PEX1: variants seen among roughly 807,000 people sequenced by gnomAD.
PEX1 encodes peroxisomal ATPase PEX1.
Under a neutral mutation model 152.5 loss-of-function variants are expected in PEX1, and 97 were observed. That is an observed-to-expected ratio of 0.64 (90% confidence interval 0.54 to 0.75). PEX1 has a LOEUF of 0.75. Ranked by LOEUF, PEX1 falls within the 30% of genes least tolerant of loss-of-function variation. The pLI is 0.00. For missense variants in PEX1, 1,357 were observed against 1,516.3 expected, an observed-to-expected ratio of 0.89 and a Z score of 1.74; for synonymous variants, 485 against 531.6, an observed-to-expected ratio of 0.91 and a Z score of 1.21.
chr7:92,499,847 C>CAAA lies in PEX1; in HGVS notation c.2584-12_2584-10dup. The CAAA allele has an allele frequency of 3.8e-6, 5 of 1,324,654 alleles. No homozygotes were observed. Among genetic ancestry groups the CAAA allele is most frequent in the African/African-American group, 1.5e-5 (1 of 67,872 alleles). 82.1% of individuals were successfully genotyped at this position (1,324,654 alleles called of 1,614,324 possible). A position where few individuals can be genotyped will look rare whatever the true frequency, so the allele number is the denominator to read the frequency against. On this transcript the variant is annotated splice_polypyrimidine_tract_variant and intron_variant, in intron 15 of 23. Coordinates refer to ENST00000248633, the MANE Select transcript of PEX1 (RefSeq NM_000466.3). ...GCAAATAATTCTGGATACTGAGAAA[C>CAAA]AAAAAAAAAAAATATGAAAAAGAGC...
chr7:92,508,232 A>G (rs1792292405), intron 9 of PEX1, among the ~76,000 whole-genome samples: 2 of 152,222 alleles, frequency 1.3e-5, no homozygotes, highest in Non-Finnish European at 2.9e-5. Flanking sequence ...CTGCCACTTT[A>G]CATGATCACA....
At chr7:92,502,200 C>T in intron 13 of PEX1, 121 bp from the exon 14 acceptor site, 1 of 705,714 alleles carries the variant, frequency 1.4e-6, no homozygotes, top group East Asian at 2.6e-5. Flanking sequence ...TGGTAGTTGT[C>T]TGGGGATGGA....
At chr7:92,499,970 A>G in intron 15 of PEX1, 132 bp from the exon 16 acceptor site, 1 of 686,514 alleles carries the variant, frequency 1.5e-6, no homozygotes, top group Non-Finnish European at 2.5e-6. Flanking sequence ...AGTAACAGCA[A>G]GTACAACAGT....
intron 6 of PEX1, 87 bp downstream of exon 6, chr7:92,513,761 C>T (rs184935977): frequency 4.1e-6 from 4 of 976,974 alleles, no homozygotes; most frequent in Non-Finnish European, 3.2e-6. Flanking sequence ...AAAAGGAATA[C>T]AACATTCTTA....
chr7:92,514,049 T>C (rs73230483), intron 5 of PEX1, 82 bp from the exon 6 acceptor site: 8 of 888,856 alleles, frequency 9.0e-6, no homozygotes, highest in Non-Finnish European at 1.4e-5. Flanking sequence ...ATTGATATAT[T>C]AGCTTCTATG....
rs563019269 is a variant in PEX1 at position 92,489,927 on chromosome 7, T to C, written c.3439-16A>G. On this transcript the variant is annotated splice_polypyrimidine_tract_variant and intron_variant, in intron 21 of 23. Coordinates refer to ENST00000248633, the MANE Select transcript of PEX1 (RefSeq NM_000466.3). Reference sequence around the variant, plus strand: ...ATTGTGAGCTCTGCATGGTAAATTGTAGTAATGAAAGATGGAAGGAAGAGG... The same window carrying C: ...ATTGTGAGCTCTGCATGGTAAATTGCAGTAATGAAAGATGGAAGGAAGAGG... 267 of 1,595,468 alleles carry C rather than the reference T, an allele frequency of 1.7e-4. 1 individual carries two copies. Among genetic ancestry groups the C allele is most frequent in the Admixed American group, 7.0e-4 (42 of 59,824 alleles).
intron 5 of PEX1, among the ~76,000 whole-genome samples, chr7:92,514,994 A>C (rs1006335319): frequency 2.0e-5 from 3 of 150,384 alleles, no homozygotes; most frequent in Admixed American, 6.7e-5. Flanking sequence ...GCTTGCATTG[A>C]GTGGAGATCG....
intron 10 of PEX1, 29 bp downstream of exon 10, chr7:92,506,965 A>G (rs1441490819): frequency 1.2e-6 from 2 of 1,611,286 alleles, no homozygotes; most frequent in Admixed American, 3.3e-5. Flanking sequence ...TAAATGTTAC[A>G]GAAAAATGAA....
intron 3 of PEX1, among the ~76,000 whole-genome samples, 162 bp from the exon 4 acceptor site, chr7:92,518,417 C>T (rs1792905427): frequency 6.6e-6 from 1 of 152,122 alleles, no homozygotes; most frequent in Admixed American, 6.5e-5. Flanking sequence ...ATAATGGTTA[C>T]TATAGTGAAG....
In PEX1 at chr7:92,509,396, T is replaced by A; in HGVS notation, c.1603A>T (p.Met535Leu). The A allele has an allele frequency of 6.2e-7, 1 of 1,611,000 alleles. No individual in the cohort carries two copies. Among genetic ancestry groups the A allele is most frequent in the South Asian group, 1.1e-5 (1 of 91,024 alleles). ...TCCTCACTGTTTTCTTCTTTTACCA[T>A]AGGATCTAGAAGGACCTACAGTTGC... ...KTTIQVLLDP[M>L]VKEENSEEID... is the part of the protein sequence containing the mutation. The change falls in exon 9 of 24, where the codon ATG (methionine) becomes TTG (leucine). Residue 535 changes from methionine to leucine, a missense_variant. By Grantham distance (15) the Met-to-Leu change is conservative (BLOSUM62 2). Transcript: ENST00000248633.
chr7:92,507,140 A>G lies in PEX1; in HGVS notation c.1671-14T>C. On this transcript the variant is annotated splice_polypyrimidine_tract_variant and intron_variant, in intron 9 of 23. Transcript: ENST00000248633. ...GAATTCACTCCTCTGTAAAAAATAT[A>G]CATAGTTACATGATAAAAGACTGAA... 6.2e-7 allele frequency: 1 copy of G among 1,611,364 alleles called. No individual in the cohort carries two copies. Among genetic ancestry groups the G allele is most frequent in the Non-Finnish European group, 8.5e-7 (1 of 1,177,622 alleles).
intron 1 of PEX1, among the ~76,000 whole-genome samples, chr7:92,527,880 C>T (rs1390165722): frequency 6.6e-6 from 1 of 152,256 alleles, no homozygotes; most frequent in Non-Finnish European, 1.5e-5. Flanking sequence ...GTGCTTAGTC[C>T]CCGGGAACCG....
intron 11 of PEX1, 95 bp from the exon 12 acceptor site, chr7:92,504,997 A>C: frequency 1.1e-6 from 1 of 875,108 alleles, no homozygotes; most frequent in Non-Finnish European, 1.9e-6. Context: ...CTCGATATTG[A>C]TTTAACTATA....
intron 20 of PEX1, 23 bp downstream of exon 20, chr7:92,492,930 A>T (rs886099008): frequency 1.3e-6 from 2 of 1,588,548 alleles, no homozygotes; most frequent in African/African-American, 2.7e-5. Flanking sequence ...AAAATGTCAT[A>T]ACAACTTCCT....
rs767127036 is a variant in PEX1, at chr7:92,502,086, A to C, written c.2227-7T>G. The C allele has an allele frequency of 6.4e-7, 1 of 1,564,880 alleles. No homozygotes were observed. The highest frequency in any genetic ancestry group is 8.8e-7 in the Non-Finnish European group (1 of 1,140,292). ...GAATTTCACATCTTTGTTCCTAAAG[A>C]AAAAAACACAAAATTCGAATTTCCA... On this transcript the variant is annotated splice_region_variant and splice_polypyrimidine_tract_variant and intron_variant, in intron 13 of 23. Transcript: ENST00000248633.
intron 5 of PEX1, 136 bp from the exon 6 acceptor site, chr7:92,514,103 G>A (rs1792610442): frequency 1.6e-6 from 1 of 609,700 alleles, no homozygotes; most frequent in Admixed American, 3.0e-5. Context: ...ACTCATAGTT[G>A]TCTCAGTCCA....
Position 92,492,950 on chromosome 7 carries a change from T to C in PEX1, c.3207+3A>G. 6.2e-7 allele frequency: 1 copy of C among 1,610,770 alleles called. No individual in the cohort carries two copies. The highest frequency in any genetic ancestry group is 8.5e-7 in the Non-Finnish European group (1 of 1,176,998). The stretch of plus-strand genomic sequence containing the variant: ...GTCATAACAACTTCCTCATATAACT[T>C]GCCTGGAGTCCACTCGAGAGCAGCA... On this transcript the variant is annotated splice_donor_region_variant and intron_variant, in intron 20 of 23. Transcript: ENST00000248633.
chr7:92,506,777 T>C (rs1405606931), intron 10 of PEX1: 5 of 583,050 alleles, frequency 8.6e-6, no homozygotes, highest in South Asian at 6.1e-5. Flanking sequence ...AAAAAGGGCA[T>C]GGAGAACATC....
rs1792461113 is a variant in PEX1 at position 92,511,430 on chromosome 7, T to C, written c.1483+150A>G. ...ATGAGCCACTGCACCCGGCCAAAGA[T>C]ATTTTTCAATACATAAAAACTACTG... On this transcript the variant is annotated intron_variant, in intron 7 of 23. Transcript: ENST00000248633. 4.1e-6 allele frequency: 3 copies of C among 729,094 alleles called. No individual in the cohort carries two copies. In the East Asian group the frequency reaches 8.4e-5, roughly 20 times the overall value. 45.2% of individuals were successfully genotyped at this position (729,094 alleles called of 1,614,324 possible).
Sources: allele counts gnomAD v4.1 joint callset (sites outside exome capture counted in the v4.1 genomes callset), GRCh38; gene constraint gnomAD v4.1.1; transcripts MANE v1.5; gene names NCBI Gene and HGNC (gene_info 2026-07-23, HGNC 2026-07-21).